Variants in POPDC2 observed in about 807,000 individuals in gnomAD.
The protein encoded by POPDC2 is popeye domain cAMP effector 2.
A neutral mutation model predicts 30.5 loss-of-function variants in POPDC2; 24 were observed. That is an observed-to-expected ratio of 0.79 (90% CI 0.57 to 1.11). POPDC2 has a LOEUF of 1.11. Among genes scored for constraint, POPDC2 ranks in the 50% least tolerant of loss-of-function variants. POPDC2 has a pLI of 0.00. For synonymous variants in POPDC2, 185 were observed against 183.3 expected (o/e 1.01, Z -0.07); for missense variants, 409 against 447.0 (o/e 0.91, Z 0.77).
intron 2 of POPDC2, among the ~76,000 whole-genome samples, chr3:119,652,540 A>G (rs1263979436): frequency 6.6e-6 from 1 of 152,220 alleles, no homozygotes; most frequent in Non-Finnish European, 1.5e-5. Flanking sequence ...CCAGGCTGAG[A>G]GGCCATGTGA....
chr3:119,650,206 A>G (rs1191586616), intron 2 of POPDC2, among the ~76,000 whole-genome samples: 1 of 152,242 alleles, frequency 6.6e-6, no homozygotes, highest in East Asian at 1.9e-4. Flanking sequence ...AGCCAAACAC[A>G]AAGACTGTGA....
At chr3:119,655,144 G>A (rs1161737021) in intron 1 of POPDC2, among the ~76,000 whole-genome samples, 2 of 151,976 alleles carry the variant, frequency 1.3e-5, no homozygotes, top group South Asian at 2.1e-4. Flanking sequence ...CTGGCCAAGA[G>A]AGTGAAACCC....
At chr3:119,655,219 T>C (rs2052866350) in intron 1 of POPDC2, among the ~76,000 whole-genome samples, 1 of 151,858 alleles carries the variant, frequency 6.6e-6, no homozygotes, top group Non-Finnish European at 1.5e-5. Context: ...TCCCAGCTAC[T>C]TGGGAGGCTG....
chr3:119,654,525 A>G lies in POPDC2; in HGVS notation c.580T>C (p.Ser194Pro), dbSNP rs747260528. 2 of 1,613,134 alleles carry G rather than the reference A, an allele frequency of 1.2e-6. No homozygotes were observed. The highest frequency in any genetic ancestry group is 1.7e-6 in the Non-Finnish European group (2 of 1,179,340). Reference sequence around the variant, plus strand: ...GTTACCTGGAACACCCCCTCCTCAGAAGGCTGTAGTGATTCCCACTCAGGA... The same window carrying G: ...GTTACCTGGAACACCCCCTCCTCAGGAGGCTGTAGTGATTCCCACTCAGGA... ...DSPEWESLQP[S>P]EEGVFQVTLT... Residue 194 changes from serine (S) to proline (P), a missense_variant, in exon 2 of 4, where the codon TCT (serine) becomes CCT (proline). Coordinates refer to ENST00000493094, the MANE Select transcript of POPDC2 (RefSeq NM_001369919.2).
rs2052700721 is a variant in POPDC2 at position 119,642,492 on chromosome 3, T to C, written c.*113A>G. 2 of 1,611,234 alleles carry C rather than the reference T, an allele frequency of 1.2e-6. No individual in the cohort carries two copies. The highest frequency in any genetic ancestry group is 1.7e-5 in the Admixed American group (1 of 59,994). On this transcript the variant is annotated 3_prime_UTR_variant, in exon 4 of 4. Transcript: ENST00000493094. Reference sequence around the variant, plus strand: ...CAATGATCCTTAAAGTTCAGGCGTGTGGGTTGGAGCCAAAGGGGCCTGTCC... The same window carrying C: ...CAATGATCCTTAAAGTTCAGGCGTGCGGGTTGGAGCCAAAGGGGCCTGTCC...
chr3:119,643,115 G>A (rs569461113), intron 3 of POPDC2, among the ~76,000 whole-genome samples: 7 of 152,298 alleles, frequency 4.6e-5, no homozygotes, highest in South Asian at 4.1e-4. Flanking sequence ...TGCTCTGGCC[G>A]TGCCACTTTC....
At chr3:119,652,003 T>C (rs1005588351) in intron 2 of POPDC2, among the ~76,000 whole-genome samples, 43 of 152,218 alleles carry the variant, frequency 2.8e-4, no homozygotes, top group Admixed American at 2.2e-3. Flanking sequence ...TGCTTCTTGA[T>C]TGGTTCTCCC....
At chr3:119,643,861 C>A (rs1052439495) in intron 3 of POPDC2, among the ~76,000 whole-genome samples, 3 of 152,206 alleles carry the variant, frequency 2.0e-5, no homozygotes, top group Non-Finnish European at 2.9e-5. Flanking sequence ...AGTATCAATA[C>A]TGAGCTAAAA....
chr3:119,656,112 T>C (rs370947186), intron 1 of POPDC2, among the ~76,000 whole-genome samples: 1 of 151,866 alleles, frequency 6.6e-6, no homozygotes, highest in East Asian at 1.9e-4. Context: ...CTAAAAAAAA[T>C]TTTTTTTTAT....
At chr3:119,647,945 C>T (rs1472238332) in intron 3 of POPDC2, among the ~76,000 whole-genome samples, 174 bp downstream of exon 3, 1 of 152,208 alleles carries the variant, frequency 6.6e-6, no homozygotes, top group African/African-American at 2.4e-5. Flanking sequence ...TTTAAAATCC[C>T]TTCATGCCTT....
At position 119,660,418 on chromosome 3, in the gene POPDC2, G is replaced by A. The variant is rs770880530; in HGVS notation, c.6C>T (p.Ser2=). ...GCTGGCCCACTCTGCTGCTGTTGGC[G>A]CTCATCTTTGGGGCCTCTCAAAGCC... M[S]ANSSRVGQLL... is the part of the protein sequence containing the mutation. Residue 2 remains serine, a synonymous_variant, in exon 1 of 4, where the codon AGC becomes AGT. Coordinates refer to ENST00000493094, the MANE Select transcript of POPDC2 (RefSeq NM_001369919.2). 1.6e-5 allele frequency: 25 copies of A among 1,610,536 alleles called. No individual in the cohort carries two copies. Among genetic ancestry groups the A allele is most frequent in the Admixed American group, 5.0e-5 (3 of 59,852 alleles).
rs764505885 is a variant in POPDC2, at chr3:119,642,432, A to G, written c.*173T>C. 3.6e-5 allele frequency: 51 copies of G among 1,399,648 alleles called. No homozygotes were observed. The East Asian group carries it at 1.1e-3, about 30-fold the overall frequency. 86.7% of individuals were successfully genotyped at this position (1,399,648 alleles called of 1,614,324 possible). On this transcript the variant is annotated 3_prime_UTR_variant, in exon 4 of 4. Coordinates refer to ENST00000493094, the MANE Select transcript of POPDC2 (RefSeq NM_001369919.2). ...CTATCAGTGGCCATTCTGTGAACACAGAAGAGAGCTGCGCTGGCCACAGAG... is the reference window on the plus strand; with the variant it reads ...CTATCAGTGGCCATTCTGTGAACACGGAAGAGAGCTGCGCTGGCCACAGAG...
intron 1 of POPDC2, among the ~76,000 whole-genome samples, chr3:119,657,652 C>CT (rs2052894509): frequency 1.3e-5 from 2 of 152,214 alleles, no homozygotes; most frequent in African/African-American, 4.8e-5. Context: ...ATGTCAGCTC[C>CT]TTAGGCGAGG....
chr3:119,646,803 A>G (rs1307217153), intron 3 of POPDC2, among the ~76,000 whole-genome samples: 1 of 152,218 alleles, frequency 6.6e-6, no homozygotes, highest in Admixed American at 6.5e-5. Flanking sequence ...GAGAGAGTGT[A>G]TAGGTGGATG....
intron 3 of POPDC2, chr3:119,643,465 GAA>G: frequency 6.9e-7 from 1 of 1,452,930 alleles, no homozygotes; most frequent in Non-Finnish European, 9.3e-7. Flanking sequence ...AAAAGAAAGA[GAA>G]AGAAAGAGAG....
At chr3:119,655,100 G>A (rs2107821709) in intron 1 of POPDC2, among the ~76,000 whole-genome samples, 1 of 152,308 alleles carries the variant, frequency 6.6e-6, no homozygotes, top group South Asian at 2.1e-4. Flanking sequence ...GCTGAGGCAG[G>A]TGGATCACCT....
chr3:119,652,097 A>C (rs1313330596), intron 2 of POPDC2, among the ~76,000 whole-genome samples: 1 of 150,130 alleles, frequency 6.7e-6, no homozygotes, highest in Admixed American at 6.6e-5. Flanking sequence ...GGTTGAATGA[A>C]TTAAATGAGA....
chr3:119,648,436 G>C lies in POPDC2; in HGVS notation c.833C>G (p.Ala278Gly), dbSNP rs2052769158. ...YHVLGPTAADAGPESEKGDEE... is the reference protein window; with the variant it reads ...YHVLGPTAADGGPESEKGDEE... ...ATCACCCTTCTCGGACTCTGGTCCA[G>C]CATCTGCAGCAGTGGGACCCAGGAC... The change falls in exon 3 of 4, where the codon GCT becomes GGT. Residue 278 changes from alanine to glycine, a missense_variant. Transcript: ENST00000493094. 1.2e-6 allele frequency: 2 copies of C among 1,614,210 alleles called. No homozygotes were observed. Among genetic ancestry groups the C allele is most frequent in the Non-Finnish European group, 1.7e-6 (2 of 1,180,046 alleles).
At chr3:119,652,339 C>T (rs561114527) in intron 2 of POPDC2, among the ~76,000 whole-genome samples, 18 of 152,280 alleles carry the variant, frequency 1.2e-4, no homozygotes, top group African/African-American at 3.1e-4. Flanking sequence ...CTGTGGATTG[C>T]TCTCAGTCAA....
Sources: gnomAD v4.1 joint callset for allele counts (sites outside exome capture counted in the v4.1 genomes callset) on GRCh38, gnomAD v4.1.1 for gene constraint, MANE v1.5 for transcripts, NCBI Gene and HGNC (gene_info 2026-07-23, HGNC 2026-07-21) for gene names.